The following PKN2 variants were observed in gnomAD, a reference collection of about 807,000 sequenced individuals.
PKN2 encodes the protein protein kinase N2, also known as serine/threonine-protein kinase N2.
A neutral mutation model predicts 119.1 loss-of-function variants in PKN2; 38 were observed. That is an observed-to-expected ratio of 0.32 (90% CI 0.25 to 0.42). The LOEUF (loss-of-function observed/expected upper bound fraction) is 0.42. Ranked by LOEUF, PKN2 falls within the 10% of genes least tolerant of loss-of-function variation. The probability of loss-of-function intolerance (pLI) is 1.00; values close to 1 mark genes in which losing one functional copy is unlikely to be tolerated. For synonymous variants in PKN2, 390 were observed against 384.9 expected, an observed-to-expected ratio of 1.01 and a Z score of -0.15; for missense variants, 850 against 1,165.1, an observed-to-expected ratio of 0.73 and a Z score of 3.94.
At chr1:88,750,926 A>C (rs151098613) in intron 2 of PKN2, among the ~76,000 whole-genome samples, 1 of 152,164 alleles carries the variant, frequency 6.6e-6, no homozygotes, top group Admixed American at 6.5e-5. Flanking sequence ...CTTTAATTCA[A>C]CGTAAACACT....
At chr1:88,760,188 C>T in intron 2 of PKN2, 34 bp from the exon 3 acceptor site, 1 of 1,211,378 alleles carries the variant, frequency 8.3e-7, no homozygotes, top group Non-Finnish European at 1.2e-6. Flanking sequence ...GCAATTCATT[C>T]TAATAAGTAA....
chr1:88,776,064 T>C (rs1378963341), intron 6 of PKN2, among the ~76,000 whole-genome samples: 10 of 149,680 alleles, frequency 6.7e-5, no homozygotes, highest in South Asian at 2.1e-4. Flanking sequence ...GCCGAGATCG[T>C]GCCACTGCAC....
intron 6 of PKN2, among the ~76,000 whole-genome samples, chr1:88,783,279 T>C (rs1387253994): frequency 3.3e-5 from 5 of 152,240 alleles, no homozygotes; most frequent in Admixed American, 6.5e-5. Context: ...CCTTGTGAAC[T>C]CTAGCTGCTT....
intron 2 of PKN2, among the ~76,000 whole-genome samples, chr1:88,750,158 G>T (rs1668931615): frequency 6.6e-6 from 1 of 152,254 alleles, no homozygotes; most frequent in Admixed American, 6.5e-5. Context: ...AAAGCATGAG[G>T]TATCCAAGGC....
chr1:88,790,749 T>C (rs1570635418), intron 8 of PKN2, among the ~76,000 whole-genome samples: 1 of 152,204 alleles, frequency 6.6e-6, no homozygotes, highest in Non-Finnish European at 1.5e-5. Context: ...AGTTATTTAT[T>C]TGATAATTTT....
chr1:88,789,593 G>A (rs999714929), intron 8 of PKN2, among the ~76,000 whole-genome samples: 2 of 152,060 alleles, frequency 1.3e-5, no homozygotes, highest in Middle Eastern at 3.4e-3. Flanking sequence ...AACCCCGGAG[G>A]CAGAGGTTGC....
intron 1 of PKN2, among the ~76,000 whole-genome samples, chr1:88,728,713 T>A (rs1316200609): frequency 6.6e-6 from 1 of 152,130 alleles, no homozygotes; most frequent in Non-Finnish European, 1.5e-5. Flanking sequence ...AGGAGCCAGG[T>A]TTCTCACTGT....
chr1:88,695,282 A>G (rs1473398976), intron 1 of PKN2, among the ~76,000 whole-genome samples: 2 of 152,210 alleles, frequency 1.3e-5, no homozygotes, highest in East Asian at 3.8e-4. Flanking sequence ...AATTAAAATT[A>G]ATTAAAATTA....
intron 1 of PKN2, among the ~76,000 whole-genome samples, chr1:88,699,014 T>A (rs1248895111): frequency 6.6e-6 from 1 of 152,218 alleles, no homozygotes; most frequent in Non-Finnish European, 1.5e-5. Context: ...GGACTTTATT[T>A]ATTGCATTGT....
intron 8 of PKN2, among the ~76,000 whole-genome samples, chr1:88,789,691 T>TAATAATAACAAC (rs887795312): frequency 3.6e-4 from 44 of 123,308 alleles, no homozygotes; most frequent in African/African-American, 1.3e-3. Flanking sequence ...ATAATAATAA[T>TAATAATAACAAC]AACAACAACA....
Position 88,741,296 on chromosome 1 carries a change from A to G in PKN2, c.349+8A>G, listed in dbSNP as rs780693483. 1 of 1,505,696 alleles carries G rather than the reference A, an allele frequency of 6.6e-7. No homozygotes were observed. Among genetic ancestry groups the G allele is most frequent in the Non-Finnish European group, 8.9e-7 (1 of 1,124,168 alleles). The allele number at this position is 1,505,696 out of a possible 1,614,324, so 93.3% of individuals were successfully genotyped here. The stretch of plus-strand genomic sequence containing the variant: ...ATCCAGAAGATATTACAGGTATAGT[A>G]GTGCTTTATTTGATGTTTATATGGT... On this transcript the variant is annotated splice_region_variant and intron_variant, in intron 2 of 21. Transcript: ENST00000370521.
intron 8 of PKN2, among the ~76,000 whole-genome samples, chr1:88,792,564 A>C (rs1037684440): frequency 1.3e-5 from 2 of 152,046 alleles, no homozygotes; most frequent in Non-Finnish European, 2.9e-5. Context: ...TCCACATAAC[A>C]CTTTTGACTC....
At chr1:88,798,705 A>C (rs1367219002) in intron 8 of PKN2, among the ~76,000 whole-genome samples, 1 of 152,230 alleles carries the variant, frequency 6.6e-6, no homozygotes, top group Admixed American at 6.5e-5. Context: ...TAACACACGG[A>C]GTGGAGTTCC....
chr1:88,763,629 A>C, intron 3 of PKN2, among the ~76,000 whole-genome samples: 1 of 151,596 alleles, frequency 6.6e-6, no homozygotes, highest in Admixed American at 6.6e-5. Context: ...AAAAAAAAGA[A>C]AGTTCACATC....
chr1:88,728,802 A>G (rs896577689), intron 1 of PKN2, among the ~76,000 whole-genome samples: 1 of 151,930 alleles, frequency 6.6e-6, no homozygotes. Flanking sequence ...TGGAGACGTC[A>G]TTATGAACTC....
At chr1:88,795,385 C>A (rs1234049298) in intron 8 of PKN2, among the ~76,000 whole-genome samples, 1 of 152,140 alleles carries the variant, frequency 6.6e-6, no homozygotes, top group Admixed American at 6.5e-5. Flanking sequence ...TACTCACATT[C>A]CTCCCATTAA....
intron 1 of PKN2, among the ~76,000 whole-genome samples, chr1:88,713,350 C>T (rs1667318629): frequency 1.3e-5 from 2 of 152,154 alleles, no homozygotes. Context: ...GGAATTGCCA[C>T]TCTTCTCTTC....
At chr1:88,723,417 C>CG (rs1379184778) in intron 1 of PKN2, among the ~76,000 whole-genome samples, 11 of 148,350 alleles carry the variant, frequency 7.4e-5, no homozygotes, top group African/African-American at 2.5e-4. Flanking sequence ...CCTGCCCCCC[C>CG]CCCTTTTATT....
intron 2 of PKN2, among the ~76,000 whole-genome samples, chr1:88,745,212 G>A (rs1383711248): frequency 3.3e-5 from 5 of 152,308 alleles, no homozygotes; most frequent in African/African-American, 1.2e-4. Flanking sequence ...ACAAGATCAG[G>A]ATGCTCACTC....
Sources: gnomAD v4.1 joint callset for allele counts (sites outside exome capture counted in the v4.1 genomes callset) on GRCh38, gnomAD v4.1.1 for gene constraint, MANE v1.5 for transcripts, NCBI Gene and HGNC (gene_info 2026-07-23, HGNC 2026-07-21) for gene names.